ANKRD13A: variants seen among roughly 807,000 people sequenced by gnomAD.
ANKRD13A encodes the protein ankyrin repeat domain 13A.
ANKRD13A carries 48 observed loss-of-function variants against 81.3 expected under a neutral mutation model. The ratio of observed to expected loss-of-function variants is 0.59; its 90% CI spans 0.47 to 0.75. ANKRD13A has a LOEUF of 0.75. Ranked by LOEUF, ANKRD13A falls within the 30% of genes least tolerant of loss-of-function variation. The pLI, the probability that ANKRD13A is intolerant of heterozygous loss-of-function variation, is 0.00. For missense variants in ANKRD13A, 612 were observed against 734.0 expected, an observed-to-expected ratio of 0.83 and a Z score of 1.92; for synonymous variants, 230 against 270.1, an observed-to-expected ratio of 0.85 and a Z score of 1.45.
chr12:110,026,951 C>T (rs1891379810), intron 8 of ANKRD13A: 1 of 152,110 alleles, frequency 6.6e-6, no homozygotes, highest in South Asian at 2.1e-4. Flanking sequence ...CCATAGTTGG[C>T]CTCAGCTGTA....
At position 109,999,857 on chromosome 12, in the gene ANKRD13A, C is replaced by A; in HGVS notation, c.96+73C>A. 2 of 1,351,458 alleles carry A rather than the reference C, an allele frequency of 1.5e-6. No homozygotes were observed. The highest frequency in any genetic ancestry group is 2.0e-6 in the Non-Finnish European group (2 of 1,005,096). 83.7% of individuals were successfully genotyped at this position (1,351,458 alleles called of 1,614,324 possible). ...TCGGGGGTCGTTTCGCCTCCCTGAG[C>A]CCATTTCCAGCCCTCTGTCCCCGGG... is the stretch of plus-strand genomic sequence containing the variant. On this transcript the variant is annotated intron_variant, in intron 1 of 14. Transcript: ENST00000261739. This position sits in a 1 kb window ranked among gnomAD's most constrained non-coding sequence, Gnocchi z 4.3.
At chr12:110,030,504 T>C in intron 11 of ANKRD13A, 141 bp from the exon 12 acceptor site, 1 of 396,246 alleles carries the variant, frequency 2.5e-6, no homozygotes. Flanking sequence ...TTCCCGTCTG[T>C]GTATTGGGAA....
chr12:110,031,808 G>A (rs11064797), intron 12 of ANKRD13A, among the ~76,000 whole-genome samples: 12,507 of 151,964 alleles, frequency 0.082, 554 homozygotes, highest in Middle Eastern at 0.13. Flanking sequence ...CCAGTTACTA[G>A]TATATAGAAA....
chr12:110,010,120 G>A (rs989823065), intron 1 of ANKRD13A, among the ~76,000 whole-genome samples: 1 of 152,150 alleles, frequency 6.6e-6, no homozygotes, highest in African/African-American at 2.4e-5. Flanking sequence ...ACCCACCTCG[G>A]CCTCCCGAAG....
intron 13 of ANKRD13A, among the ~76,000 whole-genome samples, chr12:110,035,529 AGCCTCT>A (rs1891986662): frequency 6.6e-6 from 1 of 151,852 alleles, no homozygotes; most frequent in Non-Finnish European, 1.5e-5. Context: ...GGCTCACTGC[AGCCTCT>A]GCCTCCCAGG....
At position 110,033,942 on chromosome 12, in the gene ANKRD13A, G is replaced by A; in HGVS notation, c.1494G>A (p.Glu498=). 1.2e-6 allele frequency: 2 copies of A among 1,610,796 alleles called. No homozygotes were observed. The highest frequency in any genetic ancestry group is 1.7e-6 in the Non-Finnish European group (2 of 1,178,434). The change falls in exon 13 of 15, where the codon GAG becomes GAA. Residue 498 remains glutamate, a synonymous_variant. Coordinates refer to ENST00000261739, the MANE Select transcript of ANKRD13A (RefSeq NM_033121.2). The stretch of plus-strand genomic sequence containing the variant: ...TTGCCATCCAGCAAAGTCTGCTGGA[G>A]TCCAGCAGGAGCCAGGTGTGTTTAT... ...MQFAIQQSLL[E]SSRSQELSGP... is the part of the protein sequence containing the mutation.
intron 1 of ANKRD13A, among the ~76,000 whole-genome samples, chr12:110,001,750 A>G (rs1180885615): frequency 1.3e-5 from 2 of 149,498 alleles, no homozygotes; most frequent in East Asian, 2.0e-4. Flanking sequence ...TCCAGATACG[A>G]TAAACTTTTG....
At chr12:110,015,596 G>A (rs901367375) in intron 3 of ANKRD13A, among the ~76,000 whole-genome samples, 3 of 152,166 alleles carry the variant, frequency 2.0e-5, no homozygotes, top group African/African-American at 7.2e-5. Context: ...CTGTTGCCCA[G>A]GCTGGAATAG....
chr12:110,012,086 T>G lies in ANKRD13A; in HGVS notation c.178T>G (p.Leu60Val). 3.7e-6 allele frequency: 6 copies of G among 1,613,418 alleles called. No individual in the cohort carries two copies. Among genetic ancestry groups the G allele is most frequent in the Non-Finnish European group, 5.1e-6 (6 of 1,179,382 alleles). Residue 60 changes from leucine (L) to valine (V), a missense_variant, in exon 2 of 15, where the codon TTA becomes GTA. Leu to Val is a conservative substitution (Grantham distance 32). Transcript: ENST00000261739. ...SLGHLESARVLLRHKADVTKE... is the reference protein window; with the variant it reads ...SLGHLESARVVLRHKADVTKE... ...GGGACATTTGGAATCTGCTCGAGTCTTACTCCGACATAAAGCAGATGTGAC... is the reference window on the plus strand; with the variant it reads ...GGGACATTTGGAATCTGCTCGAGTCGTACTCCGACATAAAGCAGATGTGAC...
At chr12:110,033,521 A>G (rs907347900) in intron 12 of ANKRD13A, among the ~76,000 whole-genome samples, 1 of 152,206 alleles carries the variant, frequency 6.6e-6, no homozygotes, top group East Asian at 1.9e-4. Flanking sequence ...GACTGTGCGT[A>G]TATGTTTAGG....
chr12:110,002,120 A>G (rs532740231), intron 1 of ANKRD13A, among the ~76,000 whole-genome samples: 1 of 152,322 alleles, frequency 6.6e-6, no homozygotes, highest in African/African-American at 2.4e-5. Context: ...TTCTTTCAGT[A>G]AAAATGACTT....
At position 110,018,049 on chromosome 12, in the gene ANKRD13A, G is replaced by GT. The variant is rs1351353580; in HGVS notation, c.401-295dup. ...CATATGTGAGTGAGGAAGGCCAGAT[G>GT]TACAGACCTTATATAGTGGGGACAG... On this transcript the variant is annotated intron_variant, in intron 4 of 14. Coordinates refer to ENST00000261739, the MANE Select transcript of ANKRD13A (RefSeq NM_033121.2). The surrounding 1 kb of genome is among the most constrained non-coding windows in gnomAD (Gnocchi z 4.4). Among the ~76,000 whole-genome samples, 3 of 152,316 alleles carry GT rather than the reference G, an allele frequency of 2.0e-5. No homozygotes were observed. Among genetic ancestry groups the GT allele is most frequent in the African/African-American group, 7.2e-5 (3 of 41,574 alleles).
rs771497155 is a variant in ANKRD13A, at chr12:110,016,425, C to T, written c.392C>T (p.Thr131Ile). 2.5e-6 allele frequency: 4 copies of T among 1,593,638 alleles called. No homozygotes were observed. The South Asian group carries it at 3.4e-5, about 13-fold the overall frequency. ...DFYVQMKWEF[T>I]SWVPLVSRIC... Reference sequence around the variant, plus strand: ...TATGTGCAGATGAAATGGGAATTCACCAGCTGGGGTGAGTGGCTGTGGGCT... The same window carrying T: ...TATGTGCAGATGAAATGGGAATTCATCAGCTGGGGTGAGTGGCTGTGGGCT... The change falls in exon 4 of 15, where the codon ACC becomes ATC. Residue 131 changes from threonine to isoleucine, a missense_variant. Coordinates refer to ENST00000261739, the MANE Select transcript of ANKRD13A (RefSeq NM_033121.2).
At chr12:110,030,807 AT>A in intron 12 of ANKRD13A, 49 bp downstream of exon 12, 1 of 1,299,598 alleles carries the variant, frequency 7.7e-7, no homozygotes, top group Non-Finnish European at 1.0e-6. Context: ...TTAAAAAAAA[AT>A]TTATGGCCGG....
chr12:110,030,396 A>G (rs936998127), intron 11 of ANKRD13A, among the ~76,000 whole-genome samples: 3 of 151,976 alleles, frequency 2.0e-5, no homozygotes, highest in East Asian at 1.9e-4. Flanking sequence ...CGAACTCCTG[A>G]CCTCAGGTGA....
At chr12:110,027,609 T>G in intron 8 of ANKRD13A, 96 bp from the exon 9 acceptor site, 8 of 1,110,800 alleles carry the variant, frequency 7.2e-6, no homozygotes, top group Non-Finnish European at 1.1e-5. Context: ...CATTTCCTAA[T>G]GAGGTAGCTT....
chr12:110,018,399 G>A lies in ANKRD13A; in HGVS notation c.455G>A (p.Gly152Asp). The change falls in exon 5 of 15, where the codon GGT becomes GAT. Residue 152 changes from glycine (G) to aspartate (D), a missense_variant. Coordinates refer to ENST00000261739, the MANE Select transcript of ANKRD13A (RefSeq NM_033121.2). The surrounding 1 kb of genome is among the most constrained non-coding windows in gnomAD (Gnocchi z 4.4). Reference protein sequence around the residue: ...PNDVCRIWKSGAKLRVDITLL... With the variant: ...PNDVCRIWKSDAKLRVDITLL... ...GATGTCTGTCGCATCTGGAAAAGTG[G>A]TGCCAAACTGCGCGTCGATATCACA... is the stretch of plus-strand genomic sequence containing the variant. 1.2e-6 allele frequency: 2 copies of A among 1,614,098 alleles called. No individual in the cohort carries two copies. The highest frequency in any genetic ancestry group is 8.5e-7 in the Non-Finnish European group (1 of 1,179,996).
intron 4 of ANKRD13A, among the ~76,000 whole-genome samples, chr12:110,017,683 C>T (rs1293260150): frequency 6.6e-6 from 1 of 152,134 alleles, no homozygotes; most frequent in African/African-American, 2.4e-5. Context: ...CCTGTAATCC[C>T]AGCACTTTTG....
At chr12:110,003,112 T>G (rs1890065584) in intron 1 of ANKRD13A, among the ~76,000 whole-genome samples, 1 of 152,208 alleles carries the variant, frequency 6.6e-6, no homozygotes, top group East Asian at 1.9e-4. Flanking sequence ...TTTGGCCTTC[T>G]TACTGATGGT....
Sources: allele counts gnomAD v4.1 joint callset (sites outside exome capture counted in the v4.1 genomes callset), GRCh38; gene constraint gnomAD v4.1.1; non-coding constraint Gnocchi (gnomAD v3.1); transcripts MANE v1.5; gene names NCBI Gene and HGNC (gene_info 2026-07-23, HGNC 2026-07-21).